Variants in LIPK observed in about 807,000 individuals in gnomAD.
The protein encoded by LIPK is lipase family member K, also known as lipase member K.
Under a neutral mutation model 48.6 loss-of-function variants are expected in LIPK, and 32 were observed. The ratio of observed to expected loss-of-function variants is 0.66; its 90% CI spans 0.50 to 0.88. The LOEUF is 0.88. Ranked by LOEUF, LIPK falls within the 40% of genes least tolerant of loss-of-function variation. The pLI is 0.00. For synonymous variants in LIPK, 164 were observed against 157.4 expected, an observed-to-expected ratio of 1.04 and a Z score of -0.32; for missense variants, 507 against 478.5, an observed-to-expected ratio of 1.06 and a Z score of -0.56.
At chr10:88,709,420 G>A (rs1283482897) in intron 1 of LIPK, among the ~76,000 whole-genome samples, 1 of 152,098 alleles carries the variant, frequency 6.6e-6, no homozygotes, top group Admixed American at 6.6e-5. Flanking sequence ...TTCTCCTAAT[G>A]CTATCCTTCT....
At chr10:88,713,258 C>G (rs577232478) in intron 1 of LIPK, among the ~76,000 whole-genome samples, 2 of 152,288 alleles carry the variant, frequency 1.3e-5, no homozygotes, top group East Asian at 1.9e-4. Flanking sequence ...TAGCACCTAC[C>G]AATAGAGTTG....
At chr10:88,726,328 A>T (rs572389516) in intron 2 of LIPK, among the ~76,000 whole-genome samples, 8 of 152,332 alleles carry the variant, frequency 5.3e-5, no homozygotes, top group Admixed American at 5.2e-4. Context: ...CTCTTAAATT[A>T]TCCTCATAGG....
chr10:88,712,714 T>C (rs1387016830), intron 1 of LIPK, among the ~76,000 whole-genome samples: 1 of 152,218 alleles, frequency 6.6e-6, no homozygotes, highest in Non-Finnish European at 1.5e-5. Flanking sequence ...GTATCTGTAC[T>C]GTTTCCATTT....
At chr10:88,745,693 C>G (rs912873253) in intron 9 of LIPK, among the ~76,000 whole-genome samples, 1 of 152,046 alleles carries the variant, frequency 6.6e-6, no homozygotes, top group Non-Finnish European at 1.5e-5. Flanking sequence ...ATACATAGAC[C>G]GTTGACACTA....
intron 1 of LIPK, among the ~76,000 whole-genome samples, chr10:88,720,014 T>G (rs2134702311): frequency 6.6e-6 from 1 of 152,336 alleles, no homozygotes; most frequent in South Asian, 2.1e-4. Flanking sequence ...CAATATTCTC[T>G]TGAAAGTCTC....
intron 6 of LIPK, among the ~76,000 whole-genome samples, chr10:88,734,982 G>C (rs1229655940): frequency 6.6e-6 from 1 of 152,058 alleles, no homozygotes; most frequent in Non-Finnish European, 1.5e-5. Flanking sequence ...TCTCTGATTA[G>C]CACTTCCTTT....
At chr10:88,726,447 G>A (rs1356752778) in intron 2 of LIPK, among the ~76,000 whole-genome samples, 1 of 152,216 alleles carries the variant, frequency 6.6e-6, no homozygotes, top group African/African-American at 2.4e-5. Flanking sequence ...AGCACTTTGG[G>A]AGGCTAAGGC....
intron 9 of LIPK, 122 bp downstream of exon 9, chr10:88,743,443 A>C: frequency 1.5e-6 from 1 of 652,690 alleles, no homozygotes; most frequent in Non-Finnish European, 2.7e-6. Flanking sequence ...TGCTGTTCTC[A>C]CAGGCTGCTT....
At chr10:88,735,121 C>T (rs150172634) in intron 6 of LIPK, among the ~76,000 whole-genome samples, 12 of 152,278 alleles carry the variant, frequency 7.9e-5, no homozygotes, top group Non-Finnish European at 1.3e-4. Flanking sequence ...ACATTCTGCC[C>T]CTGCCTCCTG....
chr10:88,734,904 C>T (rs1842540882), intron 6 of LIPK, among the ~76,000 whole-genome samples: 1 of 152,188 alleles, frequency 6.6e-6, no homozygotes, highest in South Asian at 2.1e-4. Context: ...GCCAGATGCT[C>T]GCAGGCATGC....
intron 1 of LIPK, among the ~76,000 whole-genome samples, chr10:88,707,630 G>A (rs1338123827): frequency 6.6e-6 from 1 of 152,110 alleles, no homozygotes. Flanking sequence ...AGAGCACAGA[G>A]CTACTGGCCT....
chr10:88,734,555 G>A (rs778598158), intron 6 of LIPK, among the ~76,000 whole-genome samples: 2 of 152,092 alleles, frequency 1.3e-5, no homozygotes, highest in African/African-American at 2.4e-5. Context: ...GGAATGACAC[G>A]CATAATGCCC....
intron 2 of LIPK, among the ~76,000 whole-genome samples, chr10:88,725,828 C>T (rs1348770217): frequency 6.6e-6 from 1 of 152,214 alleles, no homozygotes; most frequent in Non-Finnish European, 1.5e-5. Context: ...GGCTCACTCT[C>T]TGTTCTTTAA....
chr10:88,741,266 C>T (rs1288243399), intron 8 of LIPK, among the ~76,000 whole-genome samples: 1 of 152,052 alleles, frequency 6.6e-6, no homozygotes, highest in Non-Finnish European at 1.5e-5. Context: ...ATCACGTTAC[C>T]CAGGCTGAAG....
intron 1 of LIPK, among the ~76,000 whole-genome samples, chr10:88,722,862 T>A (rs575019761): frequency 5.3e-5 from 8 of 150,878 alleles, no homozygotes; most frequent in East Asian, 3.9e-4. Flanking sequence ...CATCCTTTTT[T>A]AAATTGTTTT....
In LIPK at chr10:88,731,161, A is replaced by G. The variant is rs1842459008; in HGVS notation, c.402A>G (p.Ser134=). 3 of 1,579,222 alleles carry G rather than the reference A, an allele frequency of 1.9e-6. No homozygotes were observed. The highest frequency in any genetic ancestry group is 2.6e-6 in the Non-Finnish European group (3 of 1,165,402). The part of the protein sequence containing the change: ...SRKHLKLSPK[S]PEYWAFSLDE... ...AACACCTTAAATTGTCACCGAAATC[A>G]CCGGAATACTGGGCCTTCAGGTAAA... The change falls in exon 4 of 10, where the codon TCA becomes TCG. Residue 134 remains serine, a synonymous_variant. Coordinates refer to ENST00000404190, the MANE Select transcript of LIPK (RefSeq NM_001080518.2).
At chr10:88,725,214 A>G (rs1290765964) in intron 2 of LIPK, among the ~76,000 whole-genome samples, 1 of 152,258 alleles carries the variant, frequency 6.6e-6, no homozygotes, top group Non-Finnish European at 1.5e-5. Context: ...AAGTTGTATC[A>G]GAACCATAAA....
In LIPK at chr10:88,752,242, G is replaced by GA. The variant is rs1161410912; in HGVS notation, c.961-269dup. On this transcript the variant is annotated intron_variant, in intron 9 of 9. Coordinates refer to ENST00000404190, the MANE Select transcript of LIPK (RefSeq NM_001080518.2). Reference sequence around the variant, plus strand: ...CTAACTAGAAAGATGATCCCCCATGGAAAAAAGAATGCTCTTCCTCCAGAA... The same window carrying GA: ...CTAACTAGAAAGATGATCCCCCATGGAAAAAAAGAATGCTCTTCCTCCAGAA... Among the ~76,000 whole-genome samples, 3 of 152,070 alleles carry GA rather than the reference G, an allele frequency of 2.0e-5. No homozygotes were observed. The East Asian group carries it at 5.8e-4, about 29-fold the overall frequency.
At chr10:88,726,987 G>C in intron 3 of LIPK, 75 bp downstream of exon 3, 1 of 863,786 alleles carries the variant, frequency 1.2e-6, no homozygotes, top group Middle Eastern at 2.2e-4. Context: ...AAGTCAAGCA[G>C]TTTTTGTTCT....
Sources: allele counts gnomAD v4.1 joint callset (sites outside exome capture counted in the v4.1 genomes callset), GRCh38; gene constraint gnomAD v4.1.1; transcripts MANE v1.5; gene names NCBI Gene and HGNC (gene_info 2026-07-23, HGNC 2026-07-21).